Variants in KCNJ6 observed in about 807,000 individuals in gnomAD.
The protein encoded by KCNJ6 is G protein-activated inward rectifier potassium channel 2.
In KCNJ6, 9 loss-of-function variants were observed where a neutral mutation model predicts 34.2. The observed-to-expected ratio is 0.26, with a 90% CI of 0.16 to 0.46. KCNJ6 has a LOEUF of 0.46. Among genes scored for constraint, KCNJ6 ranks in the 20% least tolerant of loss-of-function variants. KCNJ6 has a pLI of 1.00. For synonymous variants in KCNJ6, 196 were observed against 207.1 expected (o/e 0.95, Z 0.46); for missense variants, 236 against 531.3 (o/e 0.44, Z 5.46).
At chr21:37,747,668 G>A (rs2054974293) in intron 2 of KCNJ6, among the ~76,000 whole-genome samples, 1 of 152,120 alleles carries the variant, frequency 6.6e-6, no homozygotes, top group Non-Finnish European at 1.5e-5. Flanking sequence ...GGCAATGTGA[G>A]AAGGACTCAG....
chr21:37,909,418 T>G (rs1165649862), intron 1 of KCNJ6, among the ~76,000 whole-genome samples: 1 of 151,150 alleles, frequency 6.6e-6, no homozygotes, highest in East Asian at 1.9e-4. Flanking sequence ...CAGGCTGGAG[T>G]GCAGTGGTGT....
At chr21:37,690,943 G>A (rs1227864275) in intron 3 of KCNJ6, among the ~76,000 whole-genome samples, 2 of 151,928 alleles carry the variant, frequency 1.3e-5, no homozygotes, top group East Asian at 1.9e-4. Context: ...CACCATACCC[G>A]GCTAAGTTTG....
intron 1 of KCNJ6, among the ~76,000 whole-genome samples, chr21:37,855,455 G>A (rs533327975): frequency 6.6e-6 from 1 of 152,186 alleles, no homozygotes; most frequent in Non-Finnish European, 1.5e-5. Context: ...CCTTTCTATA[G>A]AATACTAGAG....
intron 3 of KCNJ6, among the ~76,000 whole-genome samples, chr21:37,668,704 G>C (rs188381558): frequency 6.6e-6 from 1 of 152,262 alleles, no homozygotes; most frequent in Non-Finnish European, 1.5e-5. Context: ...TGGCCTGCAC[G>C]GCCTCTGAGC....
intron 1 of KCNJ6, among the ~76,000 whole-genome samples, chr21:37,901,678 C>A (rs149416892): frequency 6.6e-6 from 1 of 152,134 alleles, no homozygotes; most frequent in Non-Finnish European, 1.5e-5. Context: ...AGTGAGCTCC[C>A]TTCTCTATGT....
intron 3 of KCNJ6, among the ~76,000 whole-genome samples, chr21:37,661,614 GTTTTTTTT>G (rs59026391): frequency 2.8e-5 from 2 of 71,198 alleles, no homozygotes; most frequent in Non-Finnish European, 2.6e-5. Context: ...AAGAGACATA[GTTTTTTTT>G]TTTTTTTTTT....
chr21:37,722,907 C>T (rs1370364987), intron 2 of KCNJ6, among the ~76,000 whole-genome samples: 2 of 152,188 alleles, frequency 1.3e-5, no homozygotes, highest in African/African-American at 4.8e-5. Context: ...CCCTTGAAAA[C>T]AATTGCAACA....
intron 2 of KCNJ6, among the ~76,000 whole-genome samples, chr21:37,817,691 A>G (rs2055353066): frequency 2.0e-5 from 3 of 152,164 alleles, no homozygotes; most frequent in Non-Finnish European, 2.9e-5. Flanking sequence ...CTGGTTCAGA[A>G]ATAACCGCGT....
At chr21:37,896,910 AAG>A (rs1284153434) in intron 1 of KCNJ6, among the ~76,000 whole-genome samples, 1 of 152,152 alleles carries the variant, frequency 6.6e-6, no homozygotes, top group Admixed American at 6.5e-5. Context: ...GAGCTTCAAA[AAG>A]GAAAAGAAGA....
At chr21:37,805,538 G>A (rs2055289524) in intron 2 of KCNJ6, among the ~76,000 whole-genome samples, 1 of 151,912 alleles carries the variant, frequency 6.6e-6, no homozygotes, top group Non-Finnish European at 1.5e-5. Context: ...CTCTGAGCCT[G>A]CCTTTCTGGC....
intron 3 of KCNJ6, among the ~76,000 whole-genome samples, chr21:37,680,301 A>G (rs2054584980): frequency 1.3e-5 from 2 of 152,312 alleles, no homozygotes; most frequent in East Asian, 3.9e-4. Context: ...GGCAAGACCC[A>G]GCATTATGTT....
In KCNJ6 at chr21:37,751,807, C is replaced by T. The variant is rs150391151; in HGVS notation, c.26-36676G>A. ...TAGTGTAAGCTCCTTCACCCTATCT[C>T]GGGGTCTTTGAAGATAGAAGCTGTG... On this transcript the variant is annotated intron_variant, in intron 2 of 3. Coordinates refer to ENST00000609713, the MANE Select transcript of KCNJ6 (RefSeq NM_002240.5). 8.5e-5 allele frequency among the ~76,000 whole-genome samples: 13 copies of T among 152,276 alleles called. No individual in the cohort carries two copies. The South Asian group carries it at 1.0e-3, about 12-fold the overall frequency.
chr21:37,775,625 T>C (rs531377528), intron 2 of KCNJ6, among the ~76,000 whole-genome samples: 42 of 152,344 alleles, frequency 2.8e-4, no homozygotes, highest in Admixed American at 2.2e-3. Context: ...CCCCATTTCC[T>C]GTTTTTATCA....
At position 37,610,745 on chromosome 21, in the gene KCNJ6, T is replaced by A. The variant is rs374247136; in HGVS notation, c.*14414A>T. ...TTAAACAACACACGTGTAAATATCA[T>A]GGGTCAAAGAAGAAATCTCAAGATA... On this transcript the variant is annotated 3_prime_UTR_variant, in exon 4 of 4. Transcript: ENST00000609713. 6 of 151,862 alleles carry A rather than the reference T, an allele frequency of 4.0e-5. No individual in the cohort carries two copies. Among genetic ancestry groups the A allele is most frequent in the East Asian group, 3.9e-4 (2 of 5,186 alleles). 9.4% of individuals were successfully genotyped at this position (151,862 alleles called of 1,614,324 possible).
chr21:37,915,481 TC>T (rs1275441170), intron 1 of KCNJ6, among the ~76,000 whole-genome samples: 1 of 152,174 alleles, frequency 6.6e-6, no homozygotes, highest in Non-Finnish European at 1.5e-5. Context: ...AAGACTGCCT[TC>T]CACAAAGACA....
At chr21:37,704,989 G>A (rs2054712169) in intron 3 of KCNJ6, among the ~76,000 whole-genome samples, 1 of 152,084 alleles carries the variant, frequency 6.6e-6, no homozygotes, top group Non-Finnish European at 1.5e-5. Flanking sequence ...CACTGAATTG[G>A]GTAGAACTGG....
chr21:37,723,085 G>GA (rs2054835117), intron 2 of KCNJ6, among the ~76,000 whole-genome samples: 1 of 151,828 alleles, frequency 6.6e-6, no homozygotes, highest in Admixed American at 6.6e-5. Flanking sequence ...ATTTAACAAG[G>GA]AAAAAACAAC....
intron 3 of KCNJ6, among the ~76,000 whole-genome samples, chr21:37,694,527 C>T (rs1341019988): frequency 6.6e-6 from 1 of 152,194 alleles, no homozygotes; most frequent in Non-Finnish European, 1.5e-5. Context: ...GTGGCCCTTA[C>T]AACATTTTAG....
chr21:37,884,879 G>A (rs2055727603), intron 1 of KCNJ6, among the ~76,000 whole-genome samples: 1 of 152,158 alleles, frequency 6.6e-6, no homozygotes, highest in Non-Finnish European at 1.5e-5. Context: ...ATAATGGAGG[G>A]CATTAATTAT....
Sources: gnomAD v4.1 joint callset for allele counts (sites outside exome capture counted in the v4.1 genomes callset) on GRCh38, gnomAD v4.1.1 for gene constraint, MANE v1.5 for transcripts, NCBI Gene and HGNC (gene_info 2026-07-23, HGNC 2026-07-21) for gene names.